Variants in IL15 observed in about 807,000 individuals in gnomAD.
IL15 encodes interleukin 15.
Under a neutral mutation model 19.6 loss-of-function variants are expected in IL15, and 11 were observed. The ratio of observed to expected loss-of-function variants is 0.56; its 90% CI spans 0.35 to 0.93. The LOEUF is 0.93. IL15 is among the 40% of genes least tolerant of loss of function. The pLI is 0.01. For missense variants in IL15, 197 were observed against 186.5 expected (o/e 1.06, Z -0.33); for synonymous variants, 58 against 59.6 (o/e 0.97, Z 0.12).
chr4:141,652,740 G>A lies in IL15; in HGVS notation c.-221-3446G>A, dbSNP rs191460581. Among the ~76,000 whole-genome samples, 786 of 152,246 alleles carry A rather than the reference G, an allele frequency of 5.2e-3. 5 individuals carry two copies. The highest frequency in any genetic ancestry group is 9.1e-3 in the Non-Finnish European group (617 of 67,988). On this transcript the variant is annotated intron_variant, in intron 1 of 7. Transcript: ENST00000320650. ...GAGAAAGAGTACTGGAGGATTTGTGGTCTAATGTGCATTTGTGCTTAGTAA... is the reference window on the plus strand; with the variant it reads ...GAGAAAGAGTACTGGAGGATTTGTGATCTAATGTGCATTTGTGCTTAGTAA...
At chr4:141,682,613 T>A (rs1371565937) in intron 2 of IL15, among the ~76,000 whole-genome samples, 1 of 152,166 alleles carries the variant, frequency 6.6e-6, no homozygotes, top group African/African-American at 2.4e-5. Flanking sequence ...CACATGTACA[T>A]ACATGTGTAC....
At chr4:141,710,257 G>A (rs1729671920) in intron 2 of IL15, among the ~76,000 whole-genome samples, 1 of 152,146 alleles carries the variant, frequency 6.6e-6, no homozygotes, top group Admixed American at 6.5e-5. Flanking sequence ...CCATTGAGCT[G>A]TATAATCTTA....
intron 2 of IL15, among the ~76,000 whole-genome samples, chr4:141,690,047 G>A (rs1256288149): frequency 6.6e-6 from 1 of 152,184 alleles, no homozygotes; most frequent in Non-Finnish European, 1.5e-5. Context: ...GCACAGCGCT[G>A]GTGGGCTGGC....
At chr4:141,666,098 T>TTATTTATTTATC (rs1401844811) in intron 2 of IL15, among the ~76,000 whole-genome samples, 41 of 149,192 alleles carry the variant, frequency 2.7e-4, no homozygotes, top group Middle Eastern at 3.4e-3. Context: ...ATTTATTTAT[T>TTATTTATTTATC]TATTTATTTA....
In IL15 at chr4:141,669,001, A is replaced by T. The variant is rs144672682; in HGVS notation, c.-100+12694A>T. On this transcript the variant is annotated intron_variant, in intron 2 of 7. Coordinates refer to ENST00000320650, the MANE Select transcript of IL15 (RefSeq NM_000585.5). The stretch of plus-strand genomic sequence containing the variant: ...ATAATGTAATTTCTTTTTTCCTCAG[A>T]TTTGTCATCTTAATGGCAATCTGTT... Among the ~76,000 whole-genome samples, 48 of 152,258 alleles carry T rather than the reference A, an allele frequency of 3.2e-4. No individual in the cohort carries two copies. In the East Asian group the frequency reaches 9.1e-3, roughly 29 times the overall value.
At chr4:141,721,637 T>A (rs1002868294) in intron 4 of IL15, 21 of 521,500 alleles carry the variant, frequency 4.0e-5, no homozygotes, top group Admixed American at 5.7e-5. Context: ...TGGCACTGCT[T>A]CTATTTCATT....
intron 2 of IL15, among the ~76,000 whole-genome samples, chr4:141,666,081 A>ATTTTTTATTTATTTAT (rs71586237): frequency 7.0e-6 from 1 of 143,358 alleles, no homozygotes; most frequent in Non-Finnish European, 1.5e-5. Context: ...CTTTTTATTT[A>ATTTTTTATTTATTTAT]TTATTTATTT....
At chr4:141,721,455 G>C (rs923055919) in intron 4 of IL15, 8 of 602,072 alleles carry the variant, frequency 1.3e-5, no homozygotes, top group Admixed American at 1.3e-4. Context: ...CATGAAAGGG[G>C]CATGTTTAAT....
chr4:141,731,472 T>C (rs1730450075), intron 7 of IL15, among the ~76,000 whole-genome samples: 1 of 152,198 alleles, frequency 6.6e-6, no homozygotes, highest in African/African-American at 2.4e-5. Flanking sequence ...GTTATCTCCA[T>C]CTTATTGGTG....
chr4:141,711,482 A>G (rs1237501352), intron 2 of IL15, among the ~76,000 whole-genome samples: 1 of 152,114 alleles, frequency 6.6e-6, no homozygotes, highest in East Asian at 1.9e-4. Context: ...ATCTGTTTAT[A>G]ATATAAACAA....
At chr4:141,685,777 A>G (rs183515771) in intron 2 of IL15, among the ~76,000 whole-genome samples, 14 of 152,346 alleles carry the variant, frequency 9.2e-5, no homozygotes. Context: ...GATTTATCAG[A>G]TGTTTATATA....
intron 2 of IL15, among the ~76,000 whole-genome samples, chr4:141,698,428 G>A (rs1023624653): frequency 3.3e-5 from 5 of 151,524 alleles, no homozygotes; most frequent in African/African-American, 1.2e-4. Context: ...TTCTTTGAAT[G>A]TCTGATAGAA....
intron 2 of IL15, among the ~76,000 whole-genome samples, chr4:141,677,919 C>T (rs965344322): frequency 6.6e-5 from 10 of 152,120 alleles, no homozygotes; most frequent in African/African-American, 9.7e-5. Flanking sequence ...ATTCTGCTTA[C>T]CATATCATAT....
chr4:141,720,194 T>C (rs1730025812), intron 3 of IL15, among the ~76,000 whole-genome samples: 1 of 152,148 alleles, frequency 6.6e-6, no homozygotes, highest in Non-Finnish European at 1.5e-5. Flanking sequence ...TTGGTATGTA[T>C]GTAAATTAAC....
At chr4:141,687,569 A>G (rs1045309277) in intron 2 of IL15, among the ~76,000 whole-genome samples, 1 of 152,216 alleles carries the variant, frequency 6.6e-6, no homozygotes, top group Non-Finnish European at 1.5e-5. Flanking sequence ...CCTCAACTCC[A>G]TTAATTCCAT....
At chr4:141,662,369 T>G (rs1727821973) in intron 2 of IL15, among the ~76,000 whole-genome samples, 1 of 152,260 alleles carries the variant, frequency 6.6e-6, no homozygotes, top group South Asian at 2.1e-4. Flanking sequence ...ACTATAGATT[T>G]TGGAATGTGA....
At position 141,733,682 on chromosome 4, in the gene IL15, C is replaced by A. The variant is rs887927944; in HGVS notation, c.*834C>A. On this transcript the variant is annotated 3_prime_UTR_variant, in exon 8 of 8. Coordinates refer to ENST00000320650, the MANE Select transcript of IL15 (RefSeq NM_000585.5). ...ATTTAAAGTGTGGCCCAAGACAATT[C>A]TTCTTATTCCAATGTGGCCCAGGGA... 5.9e-5 allele frequency: 9 copies of A among 152,182 alleles called. No individual in the cohort carries two copies. Among genetic ancestry groups the A allele is most frequent in the South Asian group, 2.1e-4 (1 of 4,830 alleles). 9.4% of individuals were successfully genotyped at this position (152,182 alleles called of 1,614,324 possible). A position where few individuals can be genotyped will look rare whatever the true frequency, so the allele number is the denominator to read the frequency against.
chr4:141,640,055 G>A (rs1014342315), intron 1 of IL15, among the ~76,000 whole-genome samples: 4 of 152,142 alleles, frequency 2.6e-5, no homozygotes, highest in Non-Finnish European at 5.9e-5. Context: ...ACAGCTGTGG[G>A]CAGACAAGGT....
intron 2 of IL15, among the ~76,000 whole-genome samples, chr4:141,676,465 T>A (rs1728349111): frequency 6.6e-6 from 1 of 152,156 alleles, no homozygotes; most frequent in Non-Finnish European, 1.5e-5. Context: ...GTCTACTTGA[T>A]CCCAAACACA....
Sources: gnomAD v4.1 joint callset for allele counts (sites outside exome capture counted in the v4.1 genomes callset) on GRCh38, gnomAD v4.1.1 for gene constraint, MANE v1.5 for transcripts, NCBI Gene and HGNC (gene_info 2026-07-23, HGNC 2026-07-21) for gene names.